Variants in TMEM135 observed in about 807,000 individuals in gnomAD.
TMEM135 encodes peroxisomal membrane protein 52.
Under a neutral mutation model 60.3 loss-of-function variants are expected in TMEM135, and 30 were observed. The ratio of observed to expected loss-of-function variants is 0.50; its 90% CI spans 0.37 to 0.68. The LOEUF is 0.68. TMEM135 is among the 30% of genes least tolerant of loss of function. The probability of loss-of-function intolerance (pLI) is 0.00; values close to 1 mark genes in which losing one functional copy is unlikely to be tolerated. For synonymous variants in TMEM135, 190 were observed against 186.7 expected, an observed-to-expected ratio of 1.02 and a Z score of -0.14; for missense variants, 468 against 548.8, an observed-to-expected ratio of 0.85 and a Z score of 1.47.
intron 4 of TMEM135, among the ~76,000 whole-genome samples, chr11:87,139,681 TTCCAGTA>T (rs1209000374): frequency 6.6e-6 from 1 of 152,196 alleles, no homozygotes; most frequent in Non-Finnish European, 1.5e-5. Context: ...TATATGAGAG[TTCCAGTA>T]TCTCCATATT....
chr11:87,239,517 T>C (rs117965224), intron 6 of TMEM135, among the ~76,000 whole-genome samples: 5,524 of 152,088 alleles, frequency 0.036, 133 homozygotes, highest in Non-Finnish European at 0.049. Flanking sequence ...ATACATATAT[T>C]TGAGGACACA....
At chr11:87,241,060 G>C (rs76458464) in intron 6 of TMEM135, among the ~76,000 whole-genome samples, 1,926 of 152,048 alleles carry the variant, frequency 0.013, 33 homozygotes, top group African/African-American at 0.045. Context: ...TTTGCCATTT[G>C]AGAATTCTAA....
intron 6 of TMEM135, among the ~76,000 whole-genome samples, chr11:87,278,643 G>A (rs1942007787): frequency 6.6e-6 from 1 of 151,838 alleles, no homozygotes; most frequent in Non-Finnish European, 1.5e-5. Flanking sequence ...CAGAGTGCTG[G>A]GATTACAGGC....
At chr11:87,044,075 A>C (rs1289999570) in intron 1 of TMEM135, among the ~76,000 whole-genome samples, 1 of 152,152 alleles carries the variant, frequency 6.6e-6, no homozygotes, top group East Asian at 1.9e-4. Flanking sequence ...TTAGATGTTT[A>C]GACTCTTCAG....
At chr11:87,042,047 C>A (rs1378878) in intron 1 of TMEM135, among the ~76,000 whole-genome samples, 86,809 of 152,120 alleles carry the variant, frequency 0.57, 26,411 homozygotes, top group East Asian at 0.81. Context: ...GACAGGAGGC[C>A]GATGGATTAA....
intron 4 of TMEM135, among the ~76,000 whole-genome samples, chr11:87,138,960 G>A (rs900463113): frequency 8.5e-5 from 13 of 152,120 alleles, no homozygotes; most frequent in Non-Finnish European, 1.0e-4. Flanking sequence ...GATCCCCAGC[G>A]TACCTACGAG....
chr11:87,089,410 A>G (rs1190235569), intron 3 of TMEM135, among the ~76,000 whole-genome samples: 1 of 152,110 alleles, frequency 6.6e-6, no homozygotes, highest in East Asian at 1.9e-4. Context: ...GTGTGCACCT[A>G]CTGAAACAAG....
At chr11:87,301,692 G>A (rs1308967797) in intron 7 of TMEM135, among the ~76,000 whole-genome samples, 2 of 152,194 alleles carry the variant, frequency 1.3e-5, no homozygotes, top group African/African-American at 4.8e-5. Context: ...CAGGATAGGT[G>A]TAAACAGTGA....
chr11:87,170,037 A>G (rs1412638184), intron 5 of TMEM135, among the ~76,000 whole-genome samples: 1 of 84,664 alleles, frequency 1.2e-5, no homozygotes, highest in Non-Finnish European at 2.4e-5. Flanking sequence ...GTCTTCGTTG[A>G]TCTTCAGTCT....
At chr11:87,291,622 C>T (rs1565159263) in intron 6 of TMEM135, among the ~76,000 whole-genome samples, 1 of 145,896 alleles carries the variant, frequency 6.9e-6, no homozygotes, top group Non-Finnish European at 1.5e-5. Flanking sequence ...AACTCTGCCT[C>T]CTGCCACCTC....
At chr11:87,086,158 T>A (rs956150854) in intron 3 of TMEM135, among the ~76,000 whole-genome samples, 4 of 152,216 alleles carry the variant, frequency 2.6e-5, no homozygotes, top group African/African-American at 9.6e-5. Flanking sequence ...TTTTTTTCTG[T>A]AAGGATTTGT....
chr11:87,054,272 T>G (rs1949870829), intron 1 of TMEM135, among the ~76,000 whole-genome samples: 1 of 151,718 alleles, frequency 6.6e-6, no homozygotes, highest in South Asian at 2.1e-4. Flanking sequence ...CCATCTTCAC[T>G]AAAAATACAA....
intron 5 of TMEM135, among the ~76,000 whole-genome samples, chr11:87,194,039 A>G (rs1032135293): frequency 1.3e-5 from 2 of 152,138 alleles, no homozygotes; most frequent in African/African-American, 4.8e-5. Flanking sequence ...ATTCTTTAAA[A>G]TCTTCATAAA....
chr11:87,107,277 T>A (rs543228435), intron 4 of TMEM135, among the ~76,000 whole-genome samples: 14 of 152,286 alleles, frequency 9.2e-5, no homozygotes, highest in East Asian at 1.9e-4. Flanking sequence ...TAGTTTTTTT[T>A]ATTATACTTT....
intron 6 of TMEM135, among the ~76,000 whole-genome samples, chr11:87,273,797 A>G (rs182737815): frequency 7.7e-4 from 117 of 152,308 alleles, no homozygotes; most frequent in Non-Finnish European, 1.5e-3. Flanking sequence ...GGAAGGTCTC[A>G]CCTATTTTAT....
chr11:87,127,082 T>C lies in TMEM135; in HGVS notation c.397-30259T>C, dbSNP rs886607288. On this transcript the variant is annotated intron_variant, in intron 4 of 14. Coordinates refer to ENST00000305494, the MANE Select transcript of TMEM135 (RefSeq NM_022918.4). ...TTGATTTGAACAGTTTTGGATATTT[T>C]CCAGCTCCTGTTTACTTTGTTAAAA... Among the ~76,000 whole-genome samples the C allele has an allele frequency of 2.6e-5, 4 of 152,204 alleles. No homozygotes were observed. The South Asian group carries it at 6.2e-4, about 24-fold the overall frequency.
At chr11:87,236,562 T>C (rs1941000277) in intron 5 of TMEM135, 76 bp from the exon 6 acceptor site, 2 of 1,168,488 alleles carry the variant, frequency 1.7e-6, no homozygotes, top group Non-Finnish European at 2.6e-6. Flanking sequence ...GATTTAATAG[T>C]ATTTTGCTTT....
chr11:87,225,366 TATAAC>T (rs554659943), intron 5 of TMEM135, among the ~76,000 whole-genome samples: 188 of 152,226 alleles, frequency 1.2e-3, no homozygotes, highest in African/African-American at 4.3e-3. Flanking sequence ...AAGGACTTCA[TATAAC>T]ATGTAACATA....
chr11:87,102,323 C>G (rs902490746), intron 4 of TMEM135, among the ~76,000 whole-genome samples: 3 of 152,106 alleles, frequency 2.0e-5, no homozygotes, highest in Non-Finnish European at 2.9e-5. Context: ...AAACACTTTG[C>G]TTACATTTAC....
Sources: allele counts gnomAD v4.1 joint callset (sites outside exome capture counted in the v4.1 genomes callset), GRCh38; gene constraint gnomAD v4.1.1; transcripts MANE v1.5; gene names NCBI Gene and HGNC (gene_info 2026-07-23, HGNC 2026-07-21).